The following ANKS1B variants were observed in gnomAD, a reference collection of about 807,000 sequenced individuals.
The protein encoded by ANKS1B is ankyrin repeat and sterile alpha motif domain-containing protein 1B.
ANKS1B carries 36 observed loss-of-function variants against 148.3 expected under a neutral mutation model. The ratio of observed to expected loss-of-function variants is 0.24; its 90% CI spans 0.19 to 0.32. The LOEUF (loss-of-function observed/expected upper bound fraction) is 0.32. Among genes scored for constraint, ANKS1B ranks in the 10% least tolerant of loss-of-function variants. The pLI is 1.00. For synonymous variants in ANKS1B, 542 were observed against 560.8 expected, an observed-to-expected ratio of 0.97 and a Z score of 0.47; for missense variants, 1,157 against 1,542.6, an observed-to-expected ratio of 0.75 and a Z score of 4.19.
chr12:99,645,898 C>G (rs532987829), intron 9 of ANKS1B, among the ~76,000 whole-genome samples: 1 of 152,120 alleles, frequency 6.6e-6, no homozygotes, highest in African/African-American at 2.4e-5. Context: ...GTGGAAAATC[C>G]AAACATCTAT....
chr12:98,862,013 C>A (rs1190370083), intron 17 of ANKS1B, among the ~76,000 whole-genome samples: 4 of 151,888 alleles, frequency 2.6e-5, no homozygotes, highest in Non-Finnish European at 5.9e-5. Context: ...TATTTCAAAC[C>A]TCATTTTCTT....
At chr12:99,573,370 T>G (rs1351325820) in intron 9 of ANKS1B, among the ~76,000 whole-genome samples, 1 of 152,126 alleles carries the variant, frequency 6.6e-6, no homozygotes, top group African/African-American at 2.4e-5. Flanking sequence ...ATGAGATGAT[T>G]GATTTTTTTA....
rs577518008 is a variant in ANKS1B, at chr12:99,372,589, A to C, written c.1756+27042T>G. Reference sequence around the variant, plus strand: ...CCATCCTCATTTCAAATCCTAAACAAGACTGTTAAATAGGGGTTTGTCATA... The same window carrying C: ...CCATCCTCATTTCAAATCCTAAACACGACTGTTAAATAGGGGTTTGTCATA... On this transcript the variant is annotated intron_variant, in intron 12 of 26. Coordinates refer to ENST00000683438, the MANE Select transcript of ANKS1B (RefSeq NM_001352186.2). Among the ~76,000 whole-genome samples, 52 of 152,288 alleles carry C rather than the reference A, an allele frequency of 3.4e-4. 1 individual carries two copies. The highest frequency in any genetic ancestry group is 1.2e-3 in the Admixed American group (19 of 15,286).
intron 9 of ANKS1B, among the ~76,000 whole-genome samples, chr12:99,537,062 T>C (rs2097077181): frequency 6.6e-6 from 1 of 152,188 alleles, no homozygotes; most frequent in Non-Finnish European, 1.5e-5. Flanking sequence ...TCCAGTTCCA[T>C]CCATGTTGTT....
intron 17 of ANKS1B, among the ~76,000 whole-genome samples, chr12:98,841,904 T>G (rs2099408608): frequency 1.3e-5 from 2 of 151,442 alleles, no homozygotes. Flanking sequence ...GAATGGCTAA[T>G]GTTAGAAAAG....
rs188711975 is a variant in ANKS1B at position 99,174,280 on chromosome 12, T to G, written c.2420-19885A>C. Among the ~76,000 whole-genome samples the G allele has an allele frequency of 3.9e-5, 6 of 152,344 alleles. No individual in the cohort carries two copies. In the East Asian group the frequency reaches 9.6e-4, roughly 24 times the overall value. ...GTGTATCTCAGGATGAGCCTTCAGA[T>G]GAGCCCCTTGCCCTGGCCTACACAT... On this transcript the variant is annotated intron_variant, in intron 14 of 26. Coordinates refer to ENST00000683438, the MANE Select transcript of ANKS1B (RefSeq NM_001352186.2).
chr12:99,011,733 G>A (rs1404928555), intron 17 of ANKS1B, among the ~76,000 whole-genome samples: 4 of 152,166 alleles, frequency 2.6e-5, no homozygotes, highest in Admixed American at 2.0e-4. Flanking sequence ...AAATAGGGTT[G>A]GGGCACAATA....
intron 8 of ANKS1B, among the ~76,000 whole-genome samples, chr12:99,669,371 C>T (rs2098525621): frequency 6.6e-6 from 1 of 152,044 alleles, no homozygotes; most frequent in Non-Finnish European, 1.5e-5. Context: ...AATTACTGGA[C>T]ATCGTTGTGG....
chr12:99,336,571 C>T (rs1389254578), intron 12 of ANKS1B, among the ~76,000 whole-genome samples: 1 of 151,894 alleles, frequency 6.6e-6, no homozygotes, highest in African/African-American at 2.4e-5. Context: ...GGTCTAGTTT[C>T]ATTCTTCTCG....
At position 99,020,959 on chromosome 12, in the gene ANKS1B, A is replaced by C. The variant is rs572951123; in HGVS notation, c.2778+32198T>G. On this transcript the variant is annotated intron_variant, in intron 17 of 26. Coordinates refer to ENST00000683438, the MANE Select transcript of ANKS1B (RefSeq NM_001352186.2). Reference sequence around the variant, plus strand: ...CACAAACACAAAATTTAACATACTTAACAGTGGCATGTTCAGTGAATATGA... The same window carrying C: ...CACAAACACAAAATTTAACATACTTCACAGTGGCATGTTCAGTGAATATGA... Among the ~76,000 whole-genome samples the C allele has an allele frequency of 8.7e-4, 133 of 152,126 alleles. 1 individual carries two copies. Among genetic ancestry groups the C allele is most frequent in the Non-Finnish European group, 1.0e-3 (71 of 67,998 alleles).
chr12:99,241,432 G>A (rs1038154545), intron 14 of ANKS1B, among the ~76,000 whole-genome samples: 3 of 152,090 alleles, frequency 2.0e-5, no homozygotes, highest in Non-Finnish European at 4.4e-5. Flanking sequence ...AAAAAGTCCA[G>A]GACAAGACAA....
intron 9 of ANKS1B, chr12:99,648,673 G>A (rs1365642247): frequency 1.2e-6 from 2 of 1,614,150 alleles, no homozygotes; most frequent in African/African-American, 2.7e-5. Flanking sequence ...TGTTCACTGG[G>A]AAAACCTTGT....
At chr12:99,836,990 G>A (rs2084950560) in intron 1 of ANKS1B, among the ~76,000 whole-genome samples, 1 of 152,146 alleles carries the variant, frequency 6.6e-6, no homozygotes, top group African/African-American at 2.4e-5. Flanking sequence ...GTATTACACA[G>A]CAAGGGAGAA....
At position 99,053,325 on chromosome 12, in the gene ANKS1B, T is replaced by C; in HGVS notation, c.2626-16A>G. ...TGGGTCTCATCTGTAATAAAGAAAA[T>C]TACATTAGGATTAAACTGTATACTT... On this transcript the variant is annotated splice_polypyrimidine_tract_variant and intron_variant, in intron 16 of 26. Transcript: ENST00000683438. 1 of 1,569,966 alleles carries C rather than the reference T, an allele frequency of 6.4e-7. No individual in the cohort carries two copies. Among genetic ancestry groups the C allele is most frequent in the East Asian group, 2.3e-5 (1 of 43,578 alleles).
intron 17 of ANKS1B, among the ~76,000 whole-genome samples, chr12:98,946,855 ACTTGAGC>A (rs2099846184): frequency 6.8e-6 from 1 of 147,340 alleles, no homozygotes; most frequent in African/African-American, 2.5e-5. Context: ...CAGGAGGACC[ACTTGAGC>A]CCAGGAGTTC....
intron 17 of ANKS1B, among the ~76,000 whole-genome samples, chr12:98,928,374 C>T (rs1197090187): frequency 1.3e-5 from 2 of 151,070 alleles, no homozygotes. Flanking sequence ...GAATTAACAC[C>T]AATTTCATAA....
intron 1 of ANKS1B, among the ~76,000 whole-genome samples, chr12:99,968,448 C>G (rs905994717): frequency 6.6e-6 from 1 of 152,128 alleles, no homozygotes; most frequent in African/African-American, 2.4e-5. Context: ...GTCCCGGCTA[C>G]TCGGGAGGCT....
At chr12:99,674,067 G>C (rs768954107) in intron 8 of ANKS1B, among the ~76,000 whole-genome samples, 1 of 151,594 alleles carries the variant, frequency 6.6e-6, no homozygotes, top group Non-Finnish European at 1.5e-5. Context: ...AATAAGAAAC[G>C]TTGGTGCCCT....
intron 14 of ANKS1B, among the ~76,000 whole-genome samples, chr12:99,221,299 T>C (rs977516765): frequency 1.3e-5 from 2 of 152,026 alleles, no homozygotes; most frequent in Admixed American, 1.3e-4. Context: ...AAGATCATGC[T>C]ACTGCACTCC....
Sources: gnomAD v4.1 joint callset for allele counts (sites outside exome capture counted in the v4.1 genomes callset) on GRCh38, gnomAD v4.1.1 for gene constraint, MANE v1.5 for transcripts, NCBI Gene and HGNC (gene_info 2026-07-23, HGNC 2026-07-21) for gene names.